Variants in IFT70A observed in about 807,000 individuals in gnomAD.
The protein encoded by IFT70A is intraflagellar transport protein 70A.
chr2:177,617,969 G>A, the IFT70A span: 3 of 1,614,180 alleles, frequency 1.9e-6, no homozygotes, highest in South Asian at 1.1e-5. Flanking sequence ...GTCTGATGGA[G>A]AACTAAGGTG....
At chr2:177,616,232 A>C in the IFT70A span, 2 of 152,542 alleles carry the variant, frequency 1.3e-5, no homozygotes, top group African/African-American at 4.8e-5. Context: ...AATTAGATTT[A>C]TCAGACAGCA....
chr2:177,614,042 A>C, the IFT70A span: 2 of 152,204 alleles, frequency 1.3e-5, no homozygotes, highest in Non-Finnish European at 2.9e-5. Flanking sequence ...GTAAATACAC[A>C]TTATGATGTT....
chr2:177,618,439 G>C, the IFT70A span: 1,110 of 1,607,450 alleles, frequency 6.9e-4, no homozygotes, highest in Admixed American at 1.1e-3. Context: ...CTTGTACAGG[G>C]CCTGGGCCTG....
chr2:177,618,270 C>G, the IFT70A span: 1 of 1,614,260 alleles, frequency 6.2e-7, no homozygotes, highest in Non-Finnish European at 8.5e-7. Context: ...TTTCTTCTCC[C>G]CCTTCCCCAC....
At chr2:177,616,664 G>A in the IFT70A span, 68 of 1,461,872 alleles carry the variant, frequency 4.7e-5, no homozygotes, top group African/African-American at 1.1e-4. Context: ...AGTGTGGTAC[G>A]TAAGAAAGCC....
the IFT70A span, chr2:177,617,918 A>C: frequency 1.2e-6 from 2 of 1,614,032 alleles, no homozygotes; most frequent in Non-Finnish European, 1.7e-6. Context: ...CTCAGTTGGT[A>C]TTCTATGGCT....
the IFT70A span, chr2:177,618,595 C>A: frequency 1.2e-6 from 2 of 1,604,388 alleles, no homozygotes; most frequent in Non-Finnish European, 1.7e-6. Context: ...CTGCAGTTCT[C>A]GGCCCAGCAG....
At chr2:177,618,636 G>A in the IFT70A span, 1 of 1,610,000 alleles carries the variant, frequency 6.2e-7, no homozygotes, top group Middle Eastern at 1.7e-4. Flanking sequence ...GGGCATCGCG[G>A]ATGAGCCGGT....
chr2:177,616,443 G>T, the IFT70A span: 1 of 304,144 alleles, frequency 3.3e-6, no homozygotes, highest in Non-Finnish European at 6.0e-6. Context: ...CTTATACAAA[G>T]ATGTTACTCT....
At chr2:177,614,698 C>A in the IFT70A span, 153 of 152,176 alleles carry the variant, frequency 1.0e-3, no homozygotes, top group African/African-American at 3.5e-3. Flanking sequence ...AGAAAAATGT[C>A]CCTATAATTC....
chr2:177,617,160 A>AT, the IFT70A span: 1 of 1,605,674 alleles, frequency 6.2e-7, no homozygotes, highest in Non-Finnish European at 8.5e-7. Flanking sequence ...CTGCTTCTTC[A>AT]TTTTGACTTG....
At chr2:177,618,675 G>A in the IFT70A span, 5 of 1,594,764 alleles carry the variant, frequency 3.1e-6, no homozygotes, top group Non-Finnish European at 4.3e-6. Context: ...CCCCGTCGGG[G>A]ATCTGCGCGC....
chr2:177,618,556 G>A, the IFT70A span: 3 of 1,597,060 alleles, frequency 1.9e-6, no homozygotes, highest in Non-Finnish European at 2.6e-6. Context: ...GCCTAGCAGC[G>A]ACAGGCCGGC....
chr2:177,616,920 T>A, the IFT70A span: 5 of 1,597,852 alleles, frequency 3.1e-6, no homozygotes, highest in Middle Eastern at 5.0e-4. Context: ...ACATGTTTTC[T>A]AACAAGGACA....
chr2:177,615,351 G>A, the IFT70A span: 2 of 152,064 alleles, frequency 1.3e-5, no homozygotes, highest in African/African-American at 2.4e-5. Flanking sequence ...TCCTCTTCCC[G>A]AACAAAAACA....
At chr2:177,615,857 T>C in the IFT70A span, 1 of 152,114 alleles carries the variant, frequency 6.6e-6, no homozygotes, top group Non-Finnish European at 1.5e-5. Context: ...TCATTCTCAG[T>C]TCAGTGCTTA....
At chr2:177,616,783 T>G in the IFT70A span, 2 of 1,590,902 alleles carry the variant, frequency 1.3e-6, no homozygotes, top group Non-Finnish European at 1.7e-6. Context: ...CTTCCCAACA[T>G]GCATTCTTTC....
At chr2:177,615,641 A>C in the IFT70A span, 1 of 152,170 alleles carries the variant, frequency 6.6e-6, no homozygotes, top group Non-Finnish European at 1.5e-5. Flanking sequence ...ATACAATTAT[A>C]TATTTCCTAG....
the IFT70A span, chr2:177,614,256 T>TTTTTCAATATAAAA: frequency 2.0e-5 from 3 of 152,194 alleles, no homozygotes; most frequent in Non-Finnish European, 2.9e-5. Flanking sequence ...TCTGGCCCTA[T>TTTTTCAATATAAAA]TTTTCAATAT....
Sources: allele counts gnomAD v4.1 joint callset, GRCh38; gene constraint gnomAD v4.1.1; transcripts MANE v1.5; gene names NCBI Gene and HGNC (gene_info 2026-07-23, HGNC 2026-07-21).